ASTN1: variants seen among roughly 807,000 people sequenced by gnomAD.
The protein encoded by ASTN1 is astrotactin 1.
In ASTN1, 41 loss-of-function variants were observed where a neutral mutation model predicts 140.7. The observed-to-expected ratio is 0.29, with a 90% CI of 0.23 to 0.38. The LOEUF (loss-of-function observed/expected upper bound fraction) is 0.38, where lower values mean the gene tolerates loss of function less well. Ranked by LOEUF, ASTN1 falls within the 10% of genes least tolerant of loss-of-function variation. ASTN1 has a pLI of 1.00. For synonymous variants in ASTN1, 640 were observed against 652.2 expected (o/e 0.98, Z 0.29); for missense variants, 1,479 against 1,678.8 (o/e 0.88, Z 2.08).
intron 9 of ASTN1, 65 bp from the exon 10 acceptor site, chr1:176,958,547 T>C: frequency 1.3e-6 from 2 of 1,498,798 alleles, no homozygotes; most frequent in South Asian, 1.3e-5. Context: ...CTGGGGGATC[T>C]AGCATTCCAT....
chr1:176,916,086 T>A (rs1670467520), intron 16 of ASTN1, among the ~76,000 whole-genome samples: 2 of 152,082 alleles, frequency 1.3e-5, no homozygotes, highest in Non-Finnish European at 2.9e-5. Flanking sequence ...AAAACTGGAG[T>A]TAGAAAAGAC....
chr1:177,142,905 G>T (rs11484576), intron 1 of ASTN1, among the ~76,000 whole-genome samples: 3 of 137,306 alleles, frequency 2.2e-5, no homozygotes, highest in East Asian at 2.3e-4. Context: ...AAAAAAAAAG[G>T]GGGGGAGGGG....
At chr1:177,125,905 ACT>A (rs758619207) in intron 1 of ASTN1, among the ~76,000 whole-genome samples, 13 of 152,154 alleles carry the variant, frequency 8.5e-5, no homozygotes, top group Non-Finnish European at 1.8e-4. Context: ...TAATAATAAT[ACT>A]CTCTTTCATT....
At chr1:177,144,279 G>A (rs1682607984) in intron 1 of ASTN1, among the ~76,000 whole-genome samples, 1 of 148,864 alleles carries the variant, frequency 6.7e-6, no homozygotes, top group Non-Finnish European at 1.5e-5. Context: ...CTGAGACGAA[G>A]TCTTGCTCTA....
chr1:176,987,335 T>C (rs970780852), intron 8 of ASTN1, among the ~76,000 whole-genome samples: 5 of 152,178 alleles, frequency 3.3e-5, no homozygotes, highest in Admixed American at 1.3e-4. Context: ...ATCACTGTGT[T>C]CCAATAGAAC....
intron 7 of ASTN1, 90 bp downstream of exon 7, chr1:177,023,314 A>T: frequency 6.9e-7 from 1 of 1,450,618 alleles, no homozygotes; most frequent in Non-Finnish European, 9.3e-7. Flanking sequence ...TGGGACGGGG[A>T]GTTGGGAGGC....
At chr1:176,935,308 G>A (rs1314072345) in intron 15 of ASTN1, among the ~76,000 whole-genome samples, 1 of 152,190 alleles carries the variant, frequency 6.6e-6, no homozygotes, top group African/African-American at 2.4e-5. Flanking sequence ...GTTAACTCCT[G>A]ATATGCACAG....
chr1:177,013,381 T>A (rs557429320), intron 8 of ASTN1, among the ~76,000 whole-genome samples: 1 of 152,292 alleles, frequency 6.6e-6, no homozygotes, highest in South Asian at 2.1e-4. Context: ...TCTCCTAACA[T>A]CTATGGGCAT....
At chr1:177,000,810 C>A (rs981027753) in intron 8 of ASTN1, among the ~76,000 whole-genome samples, 9 of 152,306 alleles carry the variant, frequency 5.9e-5, no homozygotes, top group African/African-American at 2.2e-4. Flanking sequence ...ATGTAGCCCA[C>A]ATTACCAAGA....
chr1:177,076,813 A>G (rs1340114755), intron 1 of ASTN1, among the ~76,000 whole-genome samples: 1 of 152,128 alleles, frequency 6.6e-6, no homozygotes, highest in East Asian at 1.9e-4. Context: ...GTGAGCCACC[A>G]CACCTGGCCT....
At chr1:176,859,560 G>A (rs1354061578), downstream of ASTN1, among the ~76,000 whole-genome samples, 4 of 152,174 alleles carry the variant, frequency 2.6e-5, no homozygotes, top group African/African-American at 9.7e-5. Flanking sequence ...CAAGGCAGGT[G>A]GATCACCTGA....
At chr1:177,131,720 T>C (rs905793497) in intron 1 of ASTN1, among the ~76,000 whole-genome samples, 2 of 152,120 alleles carry the variant, frequency 1.3e-5, no homozygotes, top group Non-Finnish European at 2.9e-5. Flanking sequence ...AGCAGGTAGT[T>C]TATAAAGAAA....
At chr1:177,031,026 T>C (rs572029481) in intron 3 of ASTN1, 74 bp from the exon 4 acceptor site, 3 of 1,490,732 alleles carry the variant, frequency 2.0e-6, no homozygotes, top group Middle Eastern at 2.5e-4. Flanking sequence ...GAAATCTGCA[T>C]AAACCAAGAA....
chr1:177,042,581 C>T (rs1023429855), intron 2 of ASTN1, among the ~76,000 whole-genome samples: 3 of 152,178 alleles, frequency 2.0e-5, no homozygotes, highest in Non-Finnish European at 2.9e-5. Flanking sequence ...CTAATGATAA[C>T]TACTGTTTAT....
intron 1 of ASTN1, among the ~76,000 whole-genome samples, chr1:177,118,221 G>T (rs1681192237): frequency 6.6e-6 from 1 of 151,378 alleles, no homozygotes; most frequent in African/African-American, 2.4e-5. Flanking sequence ...AATAATATTG[G>T]TTGTGATGAC....
At chr1:177,154,918 T>C (rs1197903189) in intron 1 of ASTN1, among the ~76,000 whole-genome samples, 1 of 152,196 alleles carries the variant, frequency 6.6e-6, no homozygotes, top group Non-Finnish European at 1.5e-5. Flanking sequence ...CTAATGTTCA[T>C]AGTATTTTTA....
chr1:176,870,824 G>A (rs749912943), intron 21 of ASTN1, among the ~76,000 whole-genome samples: 1 of 152,142 alleles, frequency 6.6e-6, no homozygotes, highest in Non-Finnish European at 1.5e-5. Context: ...AAATATCTAT[G>A]GTATCTCCAG....
intron 2 of ASTN1, among the ~76,000 whole-genome samples, chr1:177,047,243 T>G (rs1677281440): frequency 6.6e-6 from 1 of 152,078 alleles, no homozygotes; most frequent in African/African-American, 2.4e-5. Context: ...AAACTGAATT[T>G]TAAAAAGAGT....
In ASTN1 at chr1:177,126,091, T is replaced by C. The variant is rs1188470627; in HGVS notation, c.283+38303A>G. Among the ~76,000 whole-genome samples the C allele has an allele frequency of 2.6e-5, 4 of 152,218 alleles. No homozygotes were observed. The South Asian group carries it at 8.3e-4, about 32-fold the overall frequency. On this transcript the variant is annotated intron_variant, in intron 1 of 22. Coordinates refer to ENST00000361833, the MANE Select transcript of ASTN1 (RefSeq NM_004319.3). The stretch of plus-strand genomic sequence containing the variant: ...TTAAAAATGTCTTCCACCTATTTGG[T>C]TATTCTTGCTTGCTTCCTCAGGTGC...
Sources: allele counts gnomAD v4.1 joint callset (sites outside exome capture counted in the v4.1 genomes callset), GRCh38; gene constraint gnomAD v4.1.1; transcripts MANE v1.5; gene names NCBI Gene and HGNC (gene_info 2026-07-23, HGNC 2026-07-21).